The following MEIKIN variants were observed in gnomAD, a reference collection of about 807,000 sequenced individuals.
The protein encoded by MEIKIN is meiotic kinetochore factor.
At position 131,826,740 on chromosome 5, in the gene MEIKIN, C is replaced by T. The variant is rs116891322; in HGVS notation, c.976-7877G>A. ...TGATACGTGTGTGGCACTTCCCCTGCGCTCTCTCTTTCCTGCCACCTTGTG... is the reference window on the plus strand; with the variant it reads ...TGATACGTGTGTGGCACTTCCCCTGTGCTCTCTCTTTCCTGCCACCTTGTG... On this transcript the variant is annotated intron_variant, in intron 11 of 12. Coordinates refer to ENST00000442687, the MANE Select transcript of MEIKIN (RefSeq NM_001303622.2). 5.3e-4 allele frequency among the ~76,000 whole-genome samples: 79 copies of T among 150,084 alleles called. 1 individual carries two copies. In the East Asian group the frequency reaches 0.01, roughly 20 times the overall value.
chr5:131,853,466 A>C (rs377592006), intron 10 of MEIKIN, among the ~76,000 whole-genome samples: 2 of 152,170 alleles, frequency 1.3e-5, no homozygotes, highest in African/African-American at 4.8e-5. Flanking sequence ...CATTTCTTGG[A>C]TATGACATCA....
intron 12 of MEIKIN, among the ~76,000 whole-genome samples, chr5:131,809,084 C>T (rs868269737): frequency 6.8e-6 from 1 of 147,268 alleles, no homozygotes; most frequent in African/African-American, 2.5e-5. Flanking sequence ...AACAAAAACA[C>T]ATATATACCT....
intron 8 of MEIKIN, among the ~76,000 whole-genome samples, chr5:131,886,801 CTT>C (rs963736571): frequency 2.0e-5 from 3 of 151,972 alleles, no homozygotes; most frequent in East Asian, 1.9e-4. Flanking sequence ...ACTCTTATCT[CTT>C]TATTTTTTAT....
chr5:131,813,429 CT>C (rs70974017), intron 12 of MEIKIN, among the ~76,000 whole-genome samples: 80 of 140,600 alleles, frequency 5.7e-4, no homozygotes, highest in Admixed American at 7.2e-4. Flanking sequence ...TAACTATATT[CT>C]TTTTTTTTTT....
At chr5:131,871,891 C>A (rs1232933885) in intron 9 of MEIKIN, among the ~76,000 whole-genome samples, 2 of 152,174 alleles carry the variant, frequency 1.3e-5, no homozygotes, top group Non-Finnish European at 2.9e-5. Context: ...CAAACAGGGT[C>A]TGGAGTGGAC....
chr5:131,865,461 C>T (rs1447035704), intron 9 of MEIKIN, among the ~76,000 whole-genome samples: 2 of 152,210 alleles, frequency 1.3e-5, no homozygotes, highest in African/African-American at 4.8e-5. Context: ...CCTTGTGTTC[C>T]GCCCACCTGG....
chr5:131,867,087 A>G (rs1442621137), intron 9 of MEIKIN, among the ~76,000 whole-genome samples: 1 of 152,148 alleles, frequency 6.6e-6, no homozygotes, highest in Non-Finnish European at 1.5e-5. Flanking sequence ...CTCACTTTCC[A>G]TGGTCTTCAA....
chr5:131,834,268 C>G (rs1483904583), intron 11 of MEIKIN, among the ~76,000 whole-genome samples: 3 of 152,190 alleles, frequency 2.0e-5, no homozygotes, highest in Admixed American at 6.5e-5. Context: ...TTGATATACA[C>G]ATACATTGTG....
chr5:131,835,214 A>ATATATATGTGTATATATATG (rs1272483206), intron 11 of MEIKIN, among the ~76,000 whole-genome samples: 1 of 151,272 alleles, frequency 6.6e-6, no homozygotes, highest in Non-Finnish European at 1.5e-5. Flanking sequence ...ATATGTGTGT[A>ATATATATGTGTATATATATG]TATATATGTG....
chr5:131,899,498 G>T (rs944597669), intron 8 of MEIKIN, among the ~76,000 whole-genome samples: 2 of 150,884 alleles, frequency 1.3e-5, no homozygotes, highest in African/African-American at 4.9e-5. Flanking sequence ...AATGTAAATG[G>T]GCTACACTGT....
At chr5:131,906,644 A>G (rs1443955835) in intron 8 of MEIKIN, among the ~76,000 whole-genome samples, 2 of 152,220 alleles carry the variant, frequency 1.3e-5, no homozygotes, top group Non-Finnish European at 2.9e-5. Flanking sequence ...GACTAGAGAA[A>G]AAAAATGTGG....
intron 9 of MEIKIN, among the ~76,000 whole-genome samples, chr5:131,868,551 TTTGG>T (rs1750430070): frequency 6.6e-6 from 1 of 152,084 alleles, no homozygotes; most frequent in Admixed American, 6.5e-5. Flanking sequence ...AGGGTTTTTG[TTTGG>T]TTGGTTTTGT....
chr5:131,928,628 C>T (rs978578972), intron 5 of MEIKIN, among the ~76,000 whole-genome samples: 7 of 152,120 alleles, frequency 4.6e-5, no homozygotes, highest in South Asian at 2.1e-4. Context: ...TCTTTTAACT[C>T]GTATACCAGA....
intron 12 of MEIKIN, among the ~76,000 whole-genome samples, chr5:131,812,300 T>A (rs760688562): frequency 1.3e-5 from 2 of 152,244 alleles, no homozygotes; most frequent in African/African-American, 2.4e-5. Context: ...CCATAGTTGA[T>A]CCATTTTACT....
intron 9 of MEIKIN, among the ~76,000 whole-genome samples, chr5:131,861,809 T>C (rs1750290060): frequency 6.6e-6 from 1 of 152,220 alleles, no homozygotes. Flanking sequence ...ACCCACTTAA[T>C]CAGGGTGTTT....
intron 11 of MEIKIN, among the ~76,000 whole-genome samples, chr5:131,835,967 G>C (rs1375613349): frequency 6.6e-6 from 1 of 152,070 alleles, no homozygotes; most frequent in Non-Finnish European, 1.5e-5. Flanking sequence ...CATATCATGG[G>C]GGTTTGTTGC....
In MEIKIN at chr5:131,931,406, G is replaced by T. The variant is rs116525223; in HGVS notation, c.478+2107C>A. Among the ~76,000 whole-genome samples the T allele has an allele frequency of 5.2e-3, 790 of 152,284 alleles. 4 individuals are homozygous for T. The highest frequency in any genetic ancestry group is 0.017 in the African/African-American group (725 of 41,552). On this transcript the variant is annotated intron_variant, in intron 5 of 12. Transcript: ENST00000442687. ...AAATGTTTGTGTCCTAGACCAAATT[G>T]TCATCTTTGTTCTCAGCAGTCACCA...
intron 9 of MEIKIN, among the ~76,000 whole-genome samples, chr5:131,857,918 A>G (rs1436202155): frequency 6.6e-6 from 1 of 152,198 alleles, no homozygotes; most frequent in Non-Finnish European, 1.5e-5. Flanking sequence ...GGGTGTGTAC[A>G]GAATCCAGTG....
chr5:131,874,311 G>A (rs2149626413), intron 9 of MEIKIN, among the ~76,000 whole-genome samples: 1 of 152,180 alleles, frequency 6.6e-6, no homozygotes, highest in East Asian at 1.9e-4. Context: ...TGATAAAGGG[G>A]ATATCACCAC....
Sources: allele counts gnomAD v4.1 joint callset (sites outside exome capture counted in the v4.1 genomes callset), GRCh38; gene constraint gnomAD v4.1.1; transcripts MANE v1.5; gene names NCBI Gene and HGNC (gene_info 2026-07-23, HGNC 2026-07-21).